FAM167B: variants seen among roughly 807,000 people sequenced by gnomAD.
FAM167B encodes family with sequence similarity 167 member B.
A neutral mutation model predicts 15.4 loss-of-function variants in FAM167B; 7 were observed. The ratio of observed to expected loss-of-function variants is 0.46; its 90% CI spans 0.26 to 0.86. FAM167B has a LOEUF of 0.86. FAM167B is among the 40% of genes least tolerant of loss of function. FAM167B has a pLI of 0.17. For synonymous variants in FAM167B, 100 were observed against 94.6 expected, an observed-to-expected ratio of 1.06 and a Z score of -0.33; for missense variants, 207 against 208.3, an observed-to-expected ratio of 0.99 and a Z score of 0.04.
rs772865076 is a variant in FAM167B, at chr1:32,247,478, G to A, written c.57G>A (p.Glu19=). ...TGGGTGAAGAGGACGAGGAGGATGA[G>A]GAGGGGGAGAGCCTGGACTCTGTGA... ...QAVGEEDEED[E]EGESLDSVKA... Residue 19 remains glutamate (E), a synonymous_variant, in exon 1 of 2, where the codon GAG becomes GAA. Transcript: ENST00000373582. 3 of 1,601,388 alleles carry A rather than the reference G, an allele frequency of 1.9e-6. No individual in the cohort carries two copies. The highest frequency in any genetic ancestry group is 2.3e-5 in the East Asian group (1 of 43,934).
chr1:32,248,417 G>T lies in FAM167B; in HGVS notation c.308G>T (p.Arg103Leu). 1 of 1,599,990 alleles carries T rather than the reference G, an allele frequency of 6.3e-7. No individual in the cohort carries two copies. Among genetic ancestry groups the T allele is most frequent in the Non-Finnish European group, 8.5e-7 (1 of 1,176,910 alleles). The change falls in exon 2 of 2, where the codon CGG becomes CTG. Residue 103 changes from arginine (R) to leucine (L), a missense_variant. Arg to Leu is a moderately radical substitution (Grantham distance 102, BLOSUM62 -2). Transcript: ENST00000373582. Reference sequence around the variant, plus strand: ...AGGCAGCTGGCAGGGCAGCTGCTGCGGCTGCGGGCCCAGCTGCACCGACTG... The same window carrying T: ...AGGCAGCTGGCAGGGCAGCTGCTGCTGCTGCGGGCCCAGCTGCACCGACTG... ...QDRQLAGQLL[R>L]LRAQLHRLKM... is the part of the protein sequence containing the mutation.
chr1:32,247,640 C>T lies in FAM167B; in HGVS notation c.219C>T (p.Phe73=), dbSNP rs11567839. Residue 73 remains phenylalanine (F), a synonymous_variant, in exon 1 of 2, where the codon TTC becomes TTT. Transcript: ENST00000373582. ...GGGGACCTGGGGACATCTGTGGTTTCGACTCAATGGACTCCGCCCTTGAGT... is the reference window on the plus strand; with the variant it reads ...GGGGACCTGGGGACATCTGTGGTTTTGACTCAATGGACTCCGCCCTTGAGT... ...GPGGPGDICG[F]DSMDSALEWL... The T allele has an allele frequency of 5.4e-3, 8,140 of 1,499,186 alleles. 57 individuals carry two copies. Among genetic ancestry groups the T allele is most frequent in the African/African-American group, 0.031 (2,201 of 70,702 alleles). 92.9% of individuals were successfully genotyped at this position (1,499,186 alleles called of 1,614,324 possible). A position where few individuals can be genotyped will look rare whatever the true frequency, so the allele number is the denominator to read the frequency against.
Position 32,248,367 on chromosome 1 carries a change from G to T in FAM167B, c.262-4G>T, listed in dbSNP as rs1332782357. Reference sequence around the variant, plus strand: ...AGTAGGCTCACGCCCCCTCTCGGCCGCAGCGGGAGATGCAGGCGCAGGACA... The same window carrying T: ...AGTAGGCTCACGCCCCCTCTCGGCCTCAGCGGGAGATGCAGGCGCAGGACA... On this transcript the variant is annotated splice_region_variant and splice_polypyrimidine_tract_variant and intron_variant, in intron 1 of 1. Transcript: ENST00000373582. 1 of 1,560,560 alleles carries T rather than the reference G, an allele frequency of 6.4e-7. No individual in the cohort carries two copies. Among genetic ancestry groups the T allele is most frequent in the Admixed American group, 1.9e-5 (1 of 51,650 alleles).
In FAM167B at chr1:32,247,360, C is replaced by A; in HGVS notation, c.-62C>A. On this transcript the variant is annotated 5_prime_UTR_variant, in exon 1 of 2. It adds an upstream start codon to the 5' untranslated region. Transcript: ENST00000373582. ...TTCTGCCACCTCTCCCTGGGCAATA[C>A]TGCCAGCCTTTCCCTAATCTCAGAG... 1 of 1,463,376 alleles carries A rather than the reference C, an allele frequency of 6.8e-7. No individual in the cohort carries two copies. Among genetic ancestry groups the A allele is most frequent in the Non-Finnish European group, 9.1e-7 (1 of 1,104,494 alleles). 90.6% of individuals were successfully genotyped at this position (1,463,376 alleles called of 1,614,324 possible).
At chr1:32,247,817 G>A in intron 1 of FAM167B, 135 bp downstream of exon 1, 3 of 781,288 alleles carry the variant, frequency 3.8e-6, no homozygotes, top group Non-Finnish European at 1.9e-6. Flanking sequence ...GTCCTGGGCT[G>A]AGGAGCCGGG....
Position 32,247,612 on chromosome 1 carries a change from CA to C in FAM167B, c.192del (p.Gly66AspfsTer46), listed in dbSNP as rs2124286595. 3.3e-6 allele frequency: 5 copies of C among 1,537,678 alleles called. No homozygotes were observed. The highest frequency in any genetic ancestry group is 1.4e-5 in the African/African-American group (1 of 72,112). The stretch of plus-strand genomic sequence containing the variant: ...CGCAGGGCCCAAGCCAAACCTGGAC[CA>C]GGGGGACCTGGGGACATCTGTGGTT... ...AWRRAQAKPG[P>X]GGPGDICGFD... On this transcript the variant is annotated frameshift_variant, in exon 1 of 2. Transcript: ENST00000373582. LOFTEE classifies it high-confidence loss of function.
Position 32,247,483 on chromosome 1 carries a change from G to A in FAM167B, c.62G>A (p.Gly21Glu). Residue 21 changes from glycine (G) to glutamate (E), a missense_variant, in exon 1 of 2, where the codon GGG (glycine) becomes GAG (glutamate). Transcript: ENST00000373582. ...GAAGAGGACGAGGAGGATGAGGAGG[G>A]GGAGAGCCTGGACTCTGTGAAGGCA... ...VGEEDEEDEE[G>E]ESLDSVKALT... 2.5e-6 allele frequency: 4 copies of A among 1,603,118 alleles called. No homozygotes were observed. The highest frequency in any genetic ancestry group is 3.4e-6 in the Non-Finnish European group (4 of 1,174,748).
At chr1:32,248,241 G>A (rs1639434253) in intron 1 of FAM167B, 130 bp from the exon 2 acceptor site, 3 of 725,986 alleles carry the variant, frequency 4.1e-6, no homozygotes, top group Non-Finnish European at 6.6e-6. Flanking sequence ...GAGATAGGGA[G>A]AGATCAAGCT....
rs759770655 is a variant in FAM167B, at chr1:32,248,476, C to G, written c.367C>G (p.Leu123Val). The G allele has an allele frequency of 8.7e-6, 14 of 1,603,218 alleles. No individual in the cohort carries two copies. The highest frequency in any genetic ancestry group is 1.7e-6 in the Non-Finnish European group (2 of 1,176,662). Reference protein sequence around the residue: ...MDQACHLHQELLDEAELELEL... With the variant: ...MDQACHLHQEVLDEAELELEL... Reference sequence around the variant, plus strand: ...CCAAGCCTGTCACCTGCACCAGGAGCTGCTGGATGAGGCCGAGCTGGAGCT... The same window carrying G: ...CCAAGCCTGTCACCTGCACCAGGAGGTGCTGGATGAGGCCGAGCTGGAGCT... The change falls in exon 2 of 2, where the codon CTG (leucine) becomes GTG (valine). Residue 123 changes from leucine (L) to valine (V), a missense_variant. Coordinates refer to ENST00000373582, the MANE Select transcript of FAM167B (RefSeq NM_032648.3).
rs774352599 is a variant in FAM167B at position 32,247,618 on chromosome 1, G to A, written c.197G>A (p.Gly66Glu). Residue 66 changes from glycine to glutamate, a missense_variant, in exon 1 of 2, where the codon GGA becomes GAA. Transcript: ENST00000373582. ...RRAQAKPGPGGPGDICGFDSM... is the reference protein window; with the variant it reads ...RRAQAKPGPGEPGDICGFDSM... ...GCCCAAGCCAAACCTGGACCAGGGG[G>A]ACCTGGGGACATCTGTGGTTTCGAC... 1.9e-5 allele frequency: 29 copies of A among 1,524,180 alleles called. No homozygotes were observed. In the Admixed American group the frequency reaches 6.2e-4, roughly 33 times the overall value. The allele number at this position is 1,524,180 out of a possible 1,614,324, so 94.4% of individuals were successfully genotyped here.
chr1:32,247,650 G>T lies in FAM167B; in HGVS notation c.229G>T (p.Asp77Tyr). 6.7e-7 allele frequency: 1 copy of T among 1,485,188 alleles called. No individual in the cohort carries two copies. Among genetic ancestry groups the T allele is most frequent in the Non-Finnish European group, 9.0e-7 (1 of 1,114,312 alleles). The allele number at this position is 1,485,188 out of a possible 1,614,324, so 92.0% of individuals were successfully genotyped here. Residue 77 changes from aspartate (D) to tyrosine (Y), a missense_variant, in exon 1 of 2, where the codon GAC becomes TAC. Transcript: ENST00000373582. ...PGDICGFDSM[D>Y]SALEWLRREL... ...GGACATCTGTGGTTTCGACTCAATGGACTCCGCCCTTGAGTGGCTCCGACG... is the reference window on the plus strand; with the variant it reads ...GGACATCTGTGGTTTCGACTCAATGTACTCCGCCCTTGAGTGGCTCCGACG...
rs1219148559 is a variant in FAM167B at position 32,248,645 on chromosome 1, C to G, written c.*44C>G. The G allele has an allele frequency of 4.8e-6, 7 of 1,455,916 alleles. No homozygotes were observed. The Admixed American group carries it at 1.4e-4, about 28-fold the overall frequency. The allele number at this position is 1,455,916 out of a possible 1,614,324, so 90.2% of individuals were successfully genotyped here. ...GACTCCCCGCCCCCTCTCCCAATGC[C>G]GCTTCCCCTGCCTGCCTGGGAAGAG... is the stretch of plus-strand genomic sequence containing the variant. On this transcript the variant is annotated 3_prime_UTR_variant, in exon 2 of 2. Coordinates refer to ENST00000373582, the MANE Select transcript of FAM167B (RefSeq NM_032648.3).
At chr1:32,248,045 AG>A (rs2124287078) in intron 1 of FAM167B, among the ~76,000 whole-genome samples, 1 of 152,358 alleles carries the variant, frequency 6.6e-6, no homozygotes, top group South Asian at 2.1e-4. Flanking sequence ...GCCATGCTGC[AG>A]GCAGATTCTG....
chr1:32,247,616 G>C lies in FAM167B; in HGVS notation c.195G>C (p.Gly65=). 6.6e-7 allele frequency: 1 copy of C among 1,524,100 alleles called. No individual in the cohort carries two copies. Among genetic ancestry groups the C allele is most frequent in the Non-Finnish European group, 8.8e-7 (1 of 1,133,506 alleles). 94.4% of individuals were successfully genotyped at this position (1,524,100 alleles called of 1,614,324 possible). A position where few individuals can be genotyped will look rare whatever the true frequency, so the allele number is the denominator to read the frequency against. ...WRRAQAKPGP[G]GPGDICGFDS... is the part of the protein sequence containing the mutation. ...GGGCCCAAGCCAAACCTGGACCAGG[G>C]GGACCTGGGGACATCTGTGGTTTCG... is the stretch of plus-strand genomic sequence containing the variant. The change falls in exon 1 of 2, where the codon GGG becomes GGC. Residue 65 remains glycine, a synonymous_variant. Coordinates refer to ENST00000373582, the MANE Select transcript of FAM167B (RefSeq NM_032648.3).
At chr1:32,248,072 A>C (rs1433771072) in intron 1 of FAM167B, among the ~76,000 whole-genome samples, 1 of 152,234 alleles carries the variant, frequency 6.6e-6, no homozygotes, top group Middle Eastern at 3.2e-3. Context: ...GTGAAGTTTC[A>C]GTAGGTGGCT....
Position 32,247,239 on chromosome 1 carries a change from C to T in FAM167B, c.-183C>T. The T allele has an allele frequency of 1.6e-6, 1 of 634,850 alleles. No individual in the cohort carries two copies. The highest frequency in any genetic ancestry group is 2.4e-6 in the Non-Finnish European group (1 of 417,518). The allele number at this position is 634,850 out of a possible 1,614,324, so 39.3% of individuals were successfully genotyped here. On this transcript the variant is annotated 5_prime_UTR_variant, in exon 1 of 2. Transcript: ENST00000373582. ...GCCCTTGCATACTTGGCCTCACACA[C>T]CCATCTGCTCACTCACCCTGGCACA... is the stretch of plus-strand genomic sequence containing the variant.
At chr1:32,247,954 T>C (rs574821101) in intron 1 of FAM167B, among the ~76,000 whole-genome samples, 6 of 152,126 alleles carry the variant, frequency 3.9e-5, no homozygotes, top group Admixed American at 6.5e-5. Context: ...GGCACCATTA[T>C]AAATAGGGAA....
chr1:32,247,655 C>A lies in FAM167B; in HGVS notation c.234C>A (p.Ser78=). The part of the protein sequence containing the change: ...GDICGFDSMD[S]ALEWLRRELR... ...TCTGTGGTTTCGACTCAATGGACTCCGCCCTTGAGTGGCTCCGACGGGAGC... is the reference window on the plus strand; with the variant it reads ...TCTGTGGTTTCGACTCAATGGACTCAGCCCTTGAGTGGCTCCGACGGGAGC... Residue 78 remains serine, a synonymous_variant, in exon 1 of 2, where the codon TCC becomes TCA. Transcript: ENST00000373582. 6.8e-7 allele frequency: 1 copy of A among 1,476,602 alleles called. No homozygotes were observed. Among genetic ancestry groups the A allele is most frequent in the Non-Finnish European group, 9.0e-7 (1 of 1,110,012 alleles). The allele number at this position is 1,476,602 out of a possible 1,614,324, so 91.5% of individuals were successfully genotyped here. A position where few individuals can be genotyped will look rare whatever the true frequency, so the allele number is the denominator to read the frequency against.
In FAM167B at chr1:32,247,396, G is replaced by A. The variant is rs371952094; in HGVS notation, c.-26G>A. ...TCCCTAATCTCAGAGCTGCAGCCCTGCCCTGTCACTCACCTCAAACCTGCC... is the reference window on the plus strand; with the variant it reads ...TCCCTAATCTCAGAGCTGCAGCCCTACCCTGTCACTCACCTCAAACCTGCC... On this transcript the variant is annotated 5_prime_UTR_variant, in exon 1 of 2. Coordinates refer to ENST00000373582, the MANE Select transcript of FAM167B (RefSeq NM_032648.3). 3.5e-5 allele frequency: 52 copies of A among 1,489,212 alleles called. No individual in the cohort carries two copies. Among genetic ancestry groups the A allele is most frequent in the Non-Finnish European group, 4.7e-5 (52 of 1,116,536 alleles). 92.2% of individuals were successfully genotyped at this position (1,489,212 alleles called of 1,614,324 possible).
Sources: gnomAD v4.1 joint callset for allele counts (sites outside exome capture counted in the v4.1 genomes callset) on GRCh38, gnomAD v4.1.1 for gene constraint, MANE v1.5 for transcripts, NCBI Gene and HGNC (gene_info 2026-07-23, HGNC 2026-07-21) for gene names.